NUMB: variants seen among roughly 807,000 people sequenced by gnomAD.
The protein encoded by NUMB is protein numb homolog.
NUMB carries 29 observed loss-of-function variants against 59.7 expected under a neutral mutation model. The observed-to-expected ratio is 0.49, with a 90% confidence interval of 0.36 to 0.66. NUMB has a LOEUF of 0.66. Ranked by LOEUF, NUMB falls within the 30% of genes least tolerant of loss-of-function variation. NUMB has a pLI of 0.00. For missense variants in NUMB, 723 were observed against 822.0 expected (o/e 0.88, Z 1.47); for synonymous variants, 288 against 288.2 (o/e 1.00, Z 0.01).
chr14:73,322,371 A>G (rs1891449809), intron 5 of NUMB, among the ~76,000 whole-genome samples: 3 of 152,358 alleles, frequency 2.0e-5, no homozygotes, highest in South Asian at 4.1e-4. Context: ...GTTCTATCGC[A>G]TAACAGGCAG....
At chr14:73,394,595 C>T (rs1408070320) in intron 2 of NUMB, among the ~76,000 whole-genome samples, 2 of 152,030 alleles carry the variant, frequency 1.3e-5, no homozygotes, top group African/African-American at 4.8e-5. Flanking sequence ...GTATATAATA[C>T]ATTATTATTA....
rs1209963769 is a variant in NUMB at position 73,276,581 on chromosome 14, A to C, written c.1953T>G (p.Leu651=). The C allele has an allele frequency of 6.2e-7, 1 of 1,610,954 alleles. No homozygotes were observed. The highest frequency in any genetic ancestry group is 8.5e-7 in the Non-Finnish European group (1 of 1,177,896). The change falls in exon 13 of 13, where the codon CTT becomes CTG. Residue 651 remains leucine (L), a synonymous_variant. Coordinates refer to ENST00000555238, the MANE Select transcript of NUMB (RefSeq NM_001005743.2). ...SDLQKTFEIE[L] ...GATACATAGCCATAATGATTGCTTA[A>C]AGTTCAATTTCAAACGTCTTCTGTA... is the stretch of plus-strand genomic sequence containing the variant.
intron 4 of NUMB, among the ~76,000 whole-genome samples, chr14:73,347,722 C>T (rs1345131517): frequency 6.6e-6 from 1 of 152,194 alleles, no homozygotes; most frequent in Non-Finnish European, 1.5e-5. Context: ...GGTTTCCCTT[C>T]GATCTCTTTG....
chr14:73,448,168 C>T (rs1203255989), intron 1 of NUMB, among the ~76,000 whole-genome samples: 1 of 152,064 alleles, frequency 6.6e-6, no homozygotes. Context: ...TTGGCTACTA[C>T]AGGAAATATC....
chr14:73,313,967 C>T (rs1006166815), intron 6 of NUMB, among the ~76,000 whole-genome samples: 7 of 152,066 alleles, frequency 4.6e-5, no homozygotes, highest in African/African-American at 7.2e-5. Context: ...CATGCCGAGG[C>T]GGGCAGATCA....
intron 4 of NUMB, among the ~76,000 whole-genome samples, chr14:73,337,572 A>G (rs1211587241): frequency 6.6e-6 from 1 of 152,212 alleles, no homozygotes; most frequent in Non-Finnish European, 1.5e-5. Context: ...AGAAACTGTG[A>G]TAAGACTGAA....
chr14:73,333,758 T>G (rs1892124902), intron 4 of NUMB, among the ~76,000 whole-genome samples: 1 of 152,230 alleles, frequency 6.6e-6, no homozygotes, highest in South Asian at 2.1e-4. Flanking sequence ...CTATTTTTTC[T>G]TTTGTTGCTC....
intron 4 of NUMB, among the ~76,000 whole-genome samples, chr14:73,336,950 G>C (rs1783251197): frequency 6.6e-6 from 1 of 151,928 alleles, no homozygotes; most frequent in African/African-American, 2.4e-5. Flanking sequence ...TAATCATCTC[G>C]GCTAGGCATG....
chr14:73,388,103 T>TA (rs1566774627), intron 2 of NUMB, among the ~76,000 whole-genome samples: 1 of 151,474 alleles, frequency 6.6e-6, no homozygotes, highest in Non-Finnish European at 1.5e-5. Context: ...ACCCTGTCTC[T>TA]AAAAAAATAA....
In NUMB at chr14:73,318,929, G is replaced by A. The variant is rs576988656; in HGVS notation, c.202-2507C>T. On this transcript the variant is annotated intron_variant, in intron 5 of 12. Coordinates refer to ENST00000555238, the MANE Select transcript of NUMB (RefSeq NM_001005743.2). ...ATTCTAAATTGTAAGAGAGTATTTTGGTGAAAAACACTTGCAAATTATCTC... is the reference window on the plus strand; with the variant it reads ...ATTCTAAATTGTAAGAGAGTATTTTAGTGAAAAACACTTGCAAATTATCTC... 1.6e-4 allele frequency among the ~76,000 whole-genome samples: 24 copies of A among 152,216 alleles called. No individual in the cohort carries two copies. The South Asian group carries it at 4.8e-3, about 30-fold the overall frequency.
At chr14:73,279,165 C>A in intron 12 of NUMB, 116 bp downstream of exon 12, 1 of 1,159,848 alleles carries the variant, frequency 8.6e-7, no homozygotes, top group Non-Finnish European at 1.3e-6. Context: ...TAGGAGGGAA[C>A]ATAGTTTTCC....
chr14:73,359,873 AC>A (rs138633022), intron 3 of NUMB, among the ~76,000 whole-genome samples: 5,009 of 151,832 alleles, frequency 0.033, 312 homozygotes, highest in African/African-American at 0.12. Context: ...TTTTTCCCTC[AC>A]CCCCGACTCT....
intron 2 of NUMB, among the ~76,000 whole-genome samples, chr14:73,377,530 CT>C: frequency 6.6e-6 from 1 of 151,970 alleles, no homozygotes; most frequent in East Asian, 1.9e-4. Flanking sequence ...ATCCCAACTA[CT>C]TGGGAGGCTG....
intron 6 of NUMB, among the ~76,000 whole-genome samples, chr14:73,312,201 C>G (rs574772978): frequency 1.3e-5 from 2 of 152,248 alleles, no homozygotes; most frequent in South Asian, 4.1e-4. Context: ...CGAGACCAGC[C>G]TGGCCAACAT....
At chr14:73,411,018 G>A (rs917225712) in intron 1 of NUMB, among the ~76,000 whole-genome samples, 8 of 152,176 alleles carry the variant, frequency 5.3e-5, no homozygotes, top group African/African-American at 1.7e-4. Flanking sequence ...ATGGGAGGAA[G>A]AATGATAGGA....
intron 1 of NUMB, among the ~76,000 whole-genome samples, chr14:73,451,524 A>T (rs1883974411): frequency 6.6e-6 from 1 of 151,864 alleles, no homozygotes; most frequent in African/African-American, 2.4e-5. Flanking sequence ...CTGACGCAGG[A>T]CAATTGCTTG....
At chr14:73,351,443 G>A (rs553896450) in intron 4 of NUMB, among the ~76,000 whole-genome samples, 1 of 152,200 alleles carries the variant, frequency 6.6e-6, no homozygotes, top group African/African-American at 2.4e-5. Flanking sequence ...AGCTGAGATC[G>A]CGCCACTGCA....
chr14:73,427,357 C>T (rs1438641985), intron 1 of NUMB, among the ~76,000 whole-genome samples: 1 of 151,922 alleles, frequency 6.6e-6, no homozygotes, highest in Non-Finnish European at 1.5e-5. Flanking sequence ...CCCTGCTACT[C>T]AGGAGGCTGA....
chr14:73,323,982 C>T (rs1215648788), intron 4 of NUMB, among the ~76,000 whole-genome samples: 2 of 152,180 alleles, frequency 1.3e-5, no homozygotes, highest in Admixed American at 6.6e-5. Flanking sequence ...ACTCTAACTC[C>T]TCCTTCTCCC....
Sources: gnomAD v4.1 joint callset for allele counts (sites outside exome capture counted in the v4.1 genomes callset) on GRCh38, gnomAD v4.1.1 for gene constraint, MANE v1.5 for transcripts, NCBI Gene and HGNC (gene_info 2026-07-23, HGNC 2026-07-21) for gene names.